Variants in GRIK2 observed in about 807,000 individuals in gnomAD.
GRIK2 encodes the protein glutamate receptor ionotropic, kainate 2.
Under a neutral mutation model 100.3 loss-of-function variants are expected in GRIK2, and 32 were observed. The observed-to-expected ratio is 0.32, with a 90% CI of 0.24 to 0.43. GRIK2 has a LOEUF of 0.43. Ranked by LOEUF, GRIK2 falls within the 20% of genes least tolerant of loss-of-function variation. The pLI is 1.00. For missense variants in GRIK2, 843 were observed against 1,114.9 expected (o/e 0.76, Z 3.47); for synonymous variants, 417 against 389.4 (o/e 1.07, Z -0.83).
chr6:101,885,080 G>C (rs1308170700), intron 11 of GRIK2, among the ~76,000 whole-genome samples: 1 of 152,036 alleles, frequency 6.6e-6, no homozygotes, highest in African/African-American at 2.4e-5. Context: ...ACTCTCACAG[G>C]AACTGAGACA....
intron 2 of GRIK2, among the ~76,000 whole-genome samples, chr6:101,578,663 A>G (rs1777901770): frequency 6.6e-6 from 1 of 152,056 alleles, no homozygotes; most frequent in Non-Finnish European, 1.5e-5. Context: ...TGCCTTAATT[A>G]CACCCTTTGG....
In GRIK2 at chr6:101,859,371, A is replaced by G; in HGVS notation, c.1402A>G (p.Arg468Gly). Residue 468 changes from arginine to glycine, a missense_variant, in exon 11 of 17, where the codon AGA becomes GGA. By Grantham distance (125) the Arg-to-Gly change is moderately radical (BLOSUM62 -2). This residue lies in a region of GRIK2 where 519 missense variants were observed against 643.8 expected (regional missense o/e 0.81). Coordinates refer to ENST00000369134, the MANE Select transcript of GRIK2 (RefSeq NM_021956.5). ...RFEGYCIDLL[R>G]ELSTILGFTY... ...TGAAGGCTATTGCATTGATCTCCTC[A>G]GAGAGTTATCTACAATCCTTGGCTT... 6.2e-7 allele frequency: 1 copy of G among 1,602,026 alleles called. No homozygotes were observed. The highest frequency in any genetic ancestry group is 8.6e-7 in the Non-Finnish European group (1 of 1,169,176).
chr6:101,743,104 G>A (rs1203282470), intron 7 of GRIK2, among the ~76,000 whole-genome samples: 2 of 152,152 alleles, frequency 1.3e-5, no homozygotes, highest in Non-Finnish European at 2.9e-5. Context: ...TTAGGGTGGA[G>A]TTTTTAGTCC....
intron 10 of GRIK2, among the ~76,000 whole-genome samples, chr6:101,833,491 C>T (rs759481693): frequency 9.2e-5 from 14 of 152,098 alleles, no homozygotes; most frequent in Non-Finnish European, 1.8e-4. Context: ...CCTCGGCCTC[C>T]CAAAGTGGCC....
intron 2 of GRIK2, among the ~76,000 whole-genome samples, chr6:101,603,364 G>A (rs1779307147): frequency 6.6e-6 from 1 of 151,576 alleles, no homozygotes; most frequent in Admixed American, 6.6e-5. Flanking sequence ...ATGAGCTGGT[G>A]GATAAGACAG....
intron 4 of GRIK2, among the ~76,000 whole-genome samples, chr6:101,653,873 G>A (rs114312475): frequency 0.016 from 2,465 of 152,072 alleles, 67 homozygotes; most frequent in African/African-American, 0.057. Flanking sequence ...CACCTGCCTC[G>A]GCCTTTCAAA....
chr6:101,715,548 G>A (rs1774006270), intron 7 of GRIK2, among the ~76,000 whole-genome samples: 1 of 151,676 alleles, frequency 6.6e-6, no homozygotes, highest in African/African-American at 2.4e-5. Flanking sequence ...CTACGTCTAG[G>A]GACTTAAAGA....
At chr6:101,741,683 A>G (rs1222818485) in intron 7 of GRIK2, among the ~76,000 whole-genome samples, 1 of 152,156 alleles carries the variant, frequency 6.6e-6, no homozygotes, top group East Asian at 1.9e-4. Context: ...AGTTAATGGG[A>G]GCTATATTTT....
chr6:102,061,297 C>T (rs911077810), intron 16 of GRIK2, among the ~76,000 whole-genome samples: 32 of 150,560 alleles, frequency 2.1e-4, no homozygotes, highest in Non-Finnish European at 7.5e-5. Flanking sequence ...TGTAATACCA[C>T]ATTTGAATAC....
chr6:101,991,013 G>A (rs1794330215), intron 14 of GRIK2, among the ~76,000 whole-genome samples: 1 of 151,746 alleles, frequency 6.6e-6, no homozygotes. Context: ...TTCTATAGAT[G>A]TAAGATGCAC....
intron 1 of GRIK2, among the ~76,000 whole-genome samples, chr6:101,394,922 T>C (rs1427042897): frequency 6.6e-6 from 1 of 152,090 alleles, no homozygotes; most frequent in Non-Finnish European, 1.5e-5. Context: ...TTAAACCCAT[T>C]GAAAATCACA....
At chr6:101,934,895 T>G (rs1790520835) in intron 14 of GRIK2, among the ~76,000 whole-genome samples, 1 of 152,004 alleles carries the variant, frequency 6.6e-6, no homozygotes, top group African/African-American at 2.4e-5. Context: ...AGTTCCACTT[T>G]GCATATGCAG....
intron 7 of GRIK2, among the ~76,000 whole-genome samples, chr6:101,738,058 A>C (rs548697869): frequency 5.1e-4 from 78 of 152,324 alleles, no homozygotes; most frequent in Non-Finnish European, 1.1e-3. Context: ...AGAAACAGAC[A>C]AAACTCTTCT....
chr6:101,659,332 T>C (rs1769430936), intron 4 of GRIK2, among the ~76,000 whole-genome samples: 2 of 152,138 alleles, frequency 1.3e-5, no homozygotes, highest in Admixed American at 6.5e-5. Flanking sequence ...AGATGTGTGA[T>C]GTTATTTCTG....
intron 4 of GRIK2, among the ~76,000 whole-genome samples, chr6:101,644,320 T>C (rs887971255): frequency 4.0e-5 from 6 of 151,588 alleles, no homozygotes; most frequent in African/African-American, 9.7e-5. Flanking sequence ...GTAGGTAAGA[T>C]AGGAAATGCA....
At position 102,059,788 on chromosome 6, in the gene GRIK2, T is replaced by C. The variant is rs762925384; in HGVS notation, c.2562+4208T>C. On this transcript the variant is annotated intron_variant, in intron 16 of 16. Coordinates refer to ENST00000369134, the MANE Select transcript of GRIK2 (RefSeq NM_021956.5). Reference sequence around the variant, plus strand: ...TAGGTTTTCAGCAAGAACAGCAACATAACTTCTATAGTTTGATCTCTTTTT... The same window carrying C: ...TAGGTTTTCAGCAAGAACAGCAACACAACTTCTATAGTTTGATCTCTTTTT... Among the ~76,000 whole-genome samples the C allele has an allele frequency of 8.0e-5, 12 of 150,892 alleles. No individual in the cohort carries two copies. In the South Asian group the frequency reaches 1.0e-3, roughly 13 times the overall value.
chr6:101,833,545 G>A (rs1782843628), intron 10 of GRIK2, among the ~76,000 whole-genome samples: 1 of 152,024 alleles, frequency 6.6e-6, no homozygotes, highest in Non-Finnish European at 1.5e-5. Flanking sequence ...TCTTAACAAT[G>A]ATAATAGATT....
intron 2 of GRIK2, among the ~76,000 whole-genome samples, chr6:101,537,416 ATGTG>A (rs1345469126): frequency 7.0e-6 from 1 of 142,668 alleles, no homozygotes; most frequent in Non-Finnish European, 1.5e-5. Context: ...TAAGAGTAGA[ATGTG>A]TGTGTGTTTG....
intron 2 of GRIK2, among the ~76,000 whole-genome samples, chr6:101,596,676 TA>T (rs943286248): frequency 6.6e-6 from 1 of 151,630 alleles, no homozygotes; most frequent in African/African-American, 2.4e-5. Context: ...AAAGTAATCA[TA>T]AAAACCCTTA....
Sources: allele counts gnomAD v4.1 joint callset (sites outside exome capture counted in the v4.1 genomes callset), GRCh38; gene constraint gnomAD v4.1.1; regional missense constraint gnomAD v4.1.1; transcripts MANE v1.5; gene names NCBI Gene and HGNC (gene_info 2026-07-23, HGNC 2026-07-21).